Variants in FHIT observed in about 807,000 individuals in gnomAD.
FHIT encodes the protein fragile histidine triad diadenosine triphosphatase.
FHIT carries 19 observed loss-of-function variants against 17.9 expected under a neutral mutation model. The ratio of observed to expected loss-of-function variants is 1.06; its 90% CI spans 0.74 to 1.56. FHIT has a LOEUF of 1.56. Among genes scored for constraint, FHIT ranks in the 40% most tolerant of loss-of-function variants. The pLI, the probability that FHIT is intolerant of heterozygous loss-of-function variation, is 0.00. For missense variants in FHIT, 248 were observed against 189.2 expected, an observed-to-expected ratio of 1.31 and a Z score of -1.82; for synonymous variants, 81 against 69.7, an observed-to-expected ratio of 1.16 and a Z score of -0.81.
chr3:60,679,276 A>G (rs1232839664), intron 4 of FHIT, among the ~76,000 whole-genome samples: 5 of 152,180 alleles, frequency 3.3e-5, no homozygotes, highest in Non-Finnish European at 7.3e-5. Flanking sequence ...TTCAATCCTT[A>G]AAAAGTCCTA....
chr3:60,797,839 T>G (rs1284605795), intron 4 of FHIT, among the ~76,000 whole-genome samples: 2 of 152,036 alleles, frequency 1.3e-5, no homozygotes, highest in Non-Finnish European at 2.9e-5. Context: ...AGCTAACCCA[T>G]TCTTCATTTT....
intron 4 of FHIT, among the ~76,000 whole-genome samples, chr3:60,803,463 C>T (rs1701270422): frequency 6.6e-6 from 1 of 152,156 alleles, no homozygotes; most frequent in Non-Finnish European, 1.5e-5. Flanking sequence ...TCATTCAGCT[C>T]TTTCTAGGGG....
intron 3 of FHIT, among the ~76,000 whole-genome samples, chr3:60,825,631 C>A (rs1456392173): frequency 2.6e-5 from 4 of 152,040 alleles, no homozygotes; most frequent in African/African-American, 9.7e-5. Flanking sequence ...GGAGCAGGAA[C>A]CCTAGTGTGA....
chr3:60,402,589 A>G (rs7618479), intron 5 of FHIT, among the ~76,000 whole-genome samples: 41,120 of 152,016 alleles, frequency 0.27, 5,721 homozygotes, highest in East Asian at 0.47. Flanking sequence ...TTTAATACCT[A>G]TTACTGCAAC....
chr3:60,674,964 A>G (rs542344000), intron 4 of FHIT, among the ~76,000 whole-genome samples: 2 of 152,262 alleles, frequency 1.3e-5, no homozygotes, highest in South Asian at 4.1e-4. Context: ...AGCAGCAACA[A>G]AGTACAAACT....
chr3:60,806,050 C>A (rs1701373550), intron 4 of FHIT, among the ~76,000 whole-genome samples: 2 of 152,180 alleles, frequency 1.3e-5, no homozygotes, highest in South Asian at 4.1e-4. Context: ...AGGAAGTCCA[C>A]AAGCCTTTGC....
At chr3:59,869,187 C>T (rs991636902) in intron 8 of FHIT, among the ~76,000 whole-genome samples, 2 of 152,208 alleles carry the variant, frequency 1.3e-5, no homozygotes, top group Non-Finnish European at 1.5e-5. Flanking sequence ...TACGGCTCCT[C>T]TTTTCTAACA....
chr3:60,549,171 G>A lies in FHIT; in HGVS notation c.-17-12192C>T, dbSNP rs566387442. ...TAAGCTAATATTGTTAAGTTGCTTC[G>A]TATAATGCTTATCACAAAAATGGTA... On this transcript the variant is annotated intron_variant, in intron 4 of 9. Transcript: ENST00000492590. Among the ~76,000 whole-genome samples, 21 of 152,104 alleles carry A rather than the reference G, an allele frequency of 1.4e-4. No individual in the cohort carries two copies. The Middle Eastern group carries it at 0.01, about 74-fold the overall frequency.
intron 5 of FHIT, among the ~76,000 whole-genome samples, chr3:60,154,403 C>T (rs1700594633): frequency 6.6e-6 from 1 of 152,168 alleles, no homozygotes; most frequent in Admixed American, 6.5e-5. Flanking sequence ...AGAAATCAGT[C>T]ATGAAAGGTC....
chr3:61,213,469 A>G (rs556978991), intron 1 of FHIT, among the ~76,000 whole-genome samples: 1 of 152,356 alleles, frequency 6.6e-6, no homozygotes, highest in East Asian at 1.9e-4. Context: ...TCCTAAATAT[A>G]TATGCATCCA....
intron 5 of FHIT, among the ~76,000 whole-genome samples, chr3:60,287,127 A>G (rs1361397675): frequency 2.0e-5 from 3 of 152,172 alleles, no homozygotes; most frequent in African/African-American, 7.2e-5. Context: ...CAACAATATC[A>G]TCTCCCTACC....
intron 4 of FHIT, among the ~76,000 whole-genome samples, chr3:60,636,618 C>A (rs2039592220): frequency 6.6e-6 from 1 of 152,138 alleles, no homozygotes; most frequent in African/African-American, 2.4e-5. Flanking sequence ...AATTAAGAGG[C>A]TTTCCCCCGC....
At chr3:60,896,466 G>T (rs188831730) in intron 3 of FHIT, among the ~76,000 whole-genome samples, 13 of 152,170 alleles carry the variant, frequency 8.5e-5, no homozygotes, top group Non-Finnish European at 1.8e-4. Context: ...CAGTTGTACT[G>T]CCCTCCTTCC....
chr3:60,526,137 T>TACACACACACACACACACACACACACAC (rs59137290), intron 5 of FHIT, among the ~76,000 whole-genome samples: 18 of 148,160 alleles, frequency 1.2e-4, no homozygotes, highest in African/African-American at 3.7e-4. Context: ...ACACAACACA[T>TACACACACACACACACACACACACACAC]ACACACACAC....
chr3:61,092,879 C>G (rs1362535783), intron 2 of FHIT, among the ~76,000 whole-genome samples: 1 of 152,168 alleles, frequency 6.6e-6, no homozygotes, highest in Admixed American at 6.5e-5. Context: ...ACATGACCTA[C>G]AATTTCATTA....
intron 2 of FHIT, among the ~76,000 whole-genome samples, chr3:61,174,600 G>A (rs2038102166): frequency 6.6e-6 from 1 of 152,184 alleles, no homozygotes; most frequent in Non-Finnish European, 1.5e-5. Context: ...GATTCAGCAT[G>A]TATTTTCTGT....
intron 2 of FHIT, among the ~76,000 whole-genome samples, chr3:61,048,641 G>A (rs1480702011): frequency 6.6e-6 from 1 of 152,128 alleles, no homozygotes; most frequent in East Asian, 1.9e-4. Flanking sequence ...TATACCCAAA[G>A]GATTATAAAT....
chr3:60,395,229 G>A (rs1308981359), intron 5 of FHIT, among the ~76,000 whole-genome samples: 6 of 152,254 alleles, frequency 3.9e-5, no homozygotes, highest in East Asian at 1.9e-4. Flanking sequence ...ACACAGATAA[G>A]CCATATCATC....
intron 3 of FHIT, among the ~76,000 whole-genome samples, chr3:60,860,519 T>G (rs1279755960): frequency 8.6e-6 from 1 of 116,176 alleles, no homozygotes; most frequent in Non-Finnish European, 1.7e-5. Context: ...ATGATACATA[T>G]GTATCATATA....
Sources: allele counts gnomAD v4.1 joint callset (sites outside exome capture counted in the v4.1 genomes callset), GRCh38; gene constraint gnomAD v4.1.1; transcripts MANE v1.5; gene names NCBI Gene and HGNC (gene_info 2026-07-23, HGNC 2026-07-21).